Variants in SMYD3 observed in about 807,000 individuals in gnomAD.
SMYD3 encodes SET and MYND domain containing 3.
In SMYD3, 36 loss-of-function variants were observed where a neutral mutation model predicts 57.7. The observed-to-expected ratio is 0.62, with a 90% CI of 0.48 to 0.82. The LOEUF (loss-of-function observed/expected upper bound fraction) is 0.82. Among genes scored for constraint, SMYD3 ranks in the 40% least tolerant of loss-of-function variants. The pLI is 0.00. For missense variants in SMYD3, 515 were observed against 538.8 expected (o/e 0.96, Z 0.44); for synonymous variants, 211 against 195.0 (o/e 1.08, Z -0.68).
intron 10 of SMYD3, among the ~76,000 whole-genome samples, chr1:245,830,888 G>A (rs1349496447): frequency 2.6e-5 from 4 of 152,040 alleles, no homozygotes; most frequent in Non-Finnish European, 4.4e-5. Flanking sequence ...CCCATGTTGA[G>A]TTTTAGAATT....
At chr1:245,788,082 T>C (rs1041727382) in intron 10 of SMYD3, among the ~76,000 whole-genome samples, 4 of 150,886 alleles carry the variant, frequency 2.7e-5, no homozygotes, top group Admixed American at 2.6e-4. Context: ...GCAAGGAGAA[T>C]GGAGTCTAGA....
At chr1:245,967,095 A>T (rs1327743688) in intron 5 of SMYD3, among the ~76,000 whole-genome samples, 1 of 152,174 alleles carries the variant, frequency 6.6e-6, no homozygotes, top group Non-Finnish European at 1.5e-5. Context: ...TTGTTTTTCC[A>T]TTCCTCATTC....
At chr1:245,910,601 G>C (rs1411632662) in intron 8 of SMYD3, among the ~76,000 whole-genome samples, 1 of 152,000 alleles carries the variant, frequency 6.6e-6, no homozygotes, top group Admixed American at 6.6e-5. Flanking sequence ...TGGAACACAT[G>C]AAAGAACGTA....
intron 1 of SMYD3, among the ~76,000 whole-genome samples, chr1:246,384,651 C>T (rs889988503): frequency 6.6e-6 from 1 of 152,184 alleles, no homozygotes; most frequent in Non-Finnish European, 1.5e-5. Context: ...CCCGCCTCGG[C>T]CTCCCAAAGT....
Position 245,912,193 on chromosome 1 carries a change from G to A in SMYD3, c.813+3337C>T, listed in dbSNP as rs190672942. On this transcript the variant is annotated intron_variant, in intron 8 of 11. Transcript: ENST00000490107. ...CAAAATCAACATGCAAGAATCAGCAGTGTTTCTATACACCAATAATGAACT... is the reference window on the plus strand; with the variant it reads ...CAAAATCAACATGCAAGAATCAGCAATGTTTCTATACACCAATAATGAACT... Among the ~76,000 whole-genome samples the A allele has an allele frequency of 1.5e-4, 23 of 152,134 alleles. No homozygotes were observed. In the East Asian group the frequency reaches 4.4e-3, roughly 29 times the overall value.
chr1:246,282,439 CAGT>C (rs2064472912), intron 5 of SMYD3, among the ~76,000 whole-genome samples: 3 of 149,968 alleles, frequency 2.0e-5, no homozygotes, highest in Non-Finnish European at 4.4e-5. Context: ...GTCGGGGCTG[CAGT>C]GAGCTGTGGG....
intron 5 of SMYD3, among the ~76,000 whole-genome samples, chr1:246,295,316 G>A (rs538558185): frequency 1.3e-5 from 2 of 152,284 alleles, no homozygotes; most frequent in East Asian, 3.9e-4. Context: ...CCAGAAAAGG[G>A]TCTACAGTTG....
intron 5 of SMYD3, among the ~76,000 whole-genome samples, chr1:246,162,242 T>C (rs2148203754): frequency 6.6e-6 from 1 of 152,232 alleles, no homozygotes; most frequent in Non-Finnish European, 1.5e-5. Context: ...GAGTCTTACC[T>C]CAATTACCCT....
rs570014606 is a variant in SMYD3 at position 245,817,306 on chromosome 1, G to A, written c.1076+41190C>T. ...GGGCACACTGACACCTCACATGGCA[G>A]GGTATTCCAACAGCCCTGCAGCTGA... is the stretch of plus-strand genomic sequence containing the variant. On this transcript the variant is annotated intron_variant, in intron 10 of 11. Coordinates refer to ENST00000490107, the MANE Select transcript of SMYD3 (RefSeq NM_001167740.2). Among the ~76,000 whole-genome samples, 19 of 143,488 alleles carry A rather than the reference G, an allele frequency of 1.3e-4. 1 individual carries two copies. Among genetic ancestry groups the A allele is most frequent in the East Asian group, 4.3e-4 (2 of 4,668 alleles). 94.1% of individuals were successfully genotyped at this position (143,488 alleles called of 152,430 possible). A position where few individuals can be genotyped will look rare whatever the true frequency, so the allele number is the denominator to read the frequency against.
At chr1:245,987,913 G>GA (rs2058734760) in intron 5 of SMYD3, among the ~76,000 whole-genome samples, 1 of 152,156 alleles carries the variant, frequency 6.6e-6, no homozygotes, top group African/African-American at 2.4e-5. Flanking sequence ...AAAGAAAAAA[G>GA]AAAATCCAGT....
chr1:246,384,055 G>A (rs1049065951), intron 1 of SMYD3, among the ~76,000 whole-genome samples: 1 of 152,056 alleles, frequency 6.6e-6, no homozygotes, highest in Admixed American at 6.6e-5. Flanking sequence ...TAAAAAAAAG[G>A]AGGATGGAAA....
chr1:246,191,446 T>G (rs778379207), intron 5 of SMYD3, among the ~76,000 whole-genome samples: 1 of 152,222 alleles, frequency 6.6e-6, no homozygotes, highest in Non-Finnish European at 1.5e-5. Flanking sequence ...AGAAAGACAC[T>G]GCATTTTTAG....
chr1:246,329,540 T>A (rs548542464), intron 4 of SMYD3, among the ~76,000 whole-genome samples: 1 of 151,914 alleles, frequency 6.6e-6, no homozygotes, highest in East Asian at 1.9e-4. Context: ...ATGGGGTTGT[T>A]TGTTTTTTTC....
At chr1:245,815,943 T>A (rs879909488) in intron 10 of SMYD3, among the ~76,000 whole-genome samples, 1 of 152,170 alleles carries the variant, frequency 6.6e-6, no homozygotes, top group Non-Finnish European at 1.5e-5. Context: ...TCCAAGTGCC[T>A]ACTGGGACTG....
intron 5 of SMYD3, among the ~76,000 whole-genome samples, chr1:246,064,237 G>T (rs895049301): frequency 1.3e-5 from 2 of 152,082 alleles, no homozygotes; most frequent in Non-Finnish European, 2.9e-5. Flanking sequence ...TTGCCGGGAA[G>T]GCTGCCCACT....
rs115003894 is a variant in SMYD3, at chr1:246,070,313, G to C, written c.532-140376C>G. Among the ~76,000 whole-genome samples, 731 of 152,324 alleles carry C rather than the reference G, an allele frequency of 4.8e-3. 4 individuals are homozygous for C. The highest frequency in any genetic ancestry group is 8.1e-3 in the Non-Finnish European group (549 of 68,034). On this transcript the variant is annotated intron_variant, in intron 5 of 11. Transcript: ENST00000490107. The stretch of plus-strand genomic sequence containing the variant: ...GTGAGTTTAATTCTCAAAGGAGAAA[G>C]AGAAAGTGGTATCTAATATCGATTA...
intron 5 of SMYD3, among the ~76,000 whole-genome samples, chr1:245,965,682 G>A (rs756197508): frequency 5.3e-5 from 8 of 152,164 alleles, no homozygotes; most frequent in Admixed American, 1.3e-4. Flanking sequence ...TGGAAAAGGC[G>A]AAAGTATGAA....
chr1:246,387,532 T>C (rs2066505425), intron 1 of SMYD3, among the ~76,000 whole-genome samples: 1 of 152,180 alleles, frequency 6.6e-6, no homozygotes, highest in Non-Finnish European at 1.5e-5. Context: ...ATTTTAAAAG[T>C]ACCTGGCTTC....
At chr1:245,809,122 C>G (rs923913298) in intron 10 of SMYD3, among the ~76,000 whole-genome samples, 1 of 152,166 alleles carries the variant, frequency 6.6e-6, no homozygotes, top group Non-Finnish European at 1.5e-5. Context: ...TAACTCAGGG[C>G]TCTGTACTGC....
Sources: gnomAD v4.1 joint callset for allele counts (sites outside exome capture counted in the v4.1 genomes callset) on GRCh38, gnomAD v4.1.1 for gene constraint, MANE v1.5 for transcripts, NCBI Gene and HGNC (gene_info 2026-07-23, HGNC 2026-07-21) for gene names.